The following DGKB variants were observed in gnomAD, a reference collection of about 807,000 sequenced individuals.
DGKB encodes the protein 90 kDa diacylglycerol kinase.
A neutral mutation model predicts 114.3 loss-of-function variants in DGKB; 67 were observed. The ratio of observed to expected loss-of-function variants is 0.59; its 90% CI spans 0.48 to 0.72. DGKB has a LOEUF of 0.72. Ranked by LOEUF, DGKB falls within the 30% of genes least tolerant of loss-of-function variation. DGKB has a pLI of 0.00. For missense variants in DGKB, 907 were observed against 975.2 expected (o/e 0.93, Z 0.93); for synonymous variants, 398 against 323.1 (o/e 1.23, Z -2.49).
chr7:14,403,982 A>C (rs1823546392), intron 21 of DGKB, among the ~76,000 whole-genome samples: 1 of 151,828 alleles, frequency 6.6e-6, no homozygotes, highest in Non-Finnish European at 1.5e-5. Flanking sequence ...CCAGAATAAA[A>C]CCTCTTAGCA....
chr7:14,913,049 A>G (rs1429160297), intron 1 of DGKB, among the ~76,000 whole-genome samples: 1 of 152,116 alleles, frequency 6.6e-6, no homozygotes, highest in African/African-American at 2.4e-5. Flanking sequence ...CAGTTTCATC[A>G]AGAAAGGTGG....
chr7:14,365,412 A>G (rs1816502793), intron 21 of DGKB, among the ~76,000 whole-genome samples: 3 of 152,068 alleles, frequency 2.0e-5, no homozygotes, highest in African/African-American at 7.2e-5. Flanking sequence ...GATATATGTA[A>G]AAGAATCAGA....
chr7:14,664,716 T>C (rs555896971), intron 13 of DGKB, among the ~76,000 whole-genome samples: 7 of 152,112 alleles, frequency 4.6e-5, no homozygotes, highest in African/African-American at 1.4e-4. Flanking sequence ...TCCCTTGGGA[T>C]GGATTAAGAT....
intron 1 of DGKB, among the ~76,000 whole-genome samples, chr7:14,918,417 T>C (rs907402528): frequency 2.0e-5 from 3 of 152,116 alleles, no homozygotes; most frequent in African/African-American, 4.8e-5. Flanking sequence ...GGTTGCAGGA[T>C]ACAAAGGTAA....
At chr7:14,259,560 G>A (rs1796460726) in intron 23 of DGKB, among the ~76,000 whole-genome samples, 1 of 152,118 alleles carries the variant, frequency 6.6e-6, no homozygotes, top group Non-Finnish European at 1.5e-5. Context: ...CCATGTAGCT[G>A]GGATTATAGG....
intron 21 of DGKB, among the ~76,000 whole-genome samples, chr7:14,386,101 T>C (rs1220044080): frequency 6.6e-6 from 1 of 152,232 alleles, no homozygotes; most frequent in African/African-American, 2.4e-5. Flanking sequence ...GAAACTTTAA[T>C]ATATTTTGAA....
intron 23 of DGKB, among the ~76,000 whole-genome samples, chr7:14,286,070 G>A (rs796314151): frequency 6.6e-6 from 1 of 152,098 alleles, no homozygotes; most frequent in Non-Finnish European, 1.5e-5. Flanking sequence ...GACTCACAAA[G>A]TTTGCAATGT....
intron 20 of DGKB, among the ~76,000 whole-genome samples, chr7:14,534,185 G>A (rs924989103): frequency 2.6e-5 from 4 of 151,944 alleles, no homozygotes; most frequent in Non-Finnish European, 5.9e-5. Flanking sequence ...GAGAATAAAA[G>A]TATAGAGGGC....
At chr7:14,821,546 A>G (rs946550012) in intron 2 of DGKB, among the ~76,000 whole-genome samples, 1 of 152,194 alleles carries the variant, frequency 6.6e-6, no homozygotes, top group African/African-American at 2.4e-5. Flanking sequence ...AAATAAAAAT[A>G]TATTCAGAAA....
At chr7:14,707,337 C>A (rs1039080248) in intron 6 of DGKB, among the ~76,000 whole-genome samples, 1 of 150,130 alleles carries the variant, frequency 6.7e-6, no homozygotes, top group Non-Finnish European at 1.5e-5. Context: ...AGTTTACCAA[C>A]CAAAAAGAGT....
chr7:14,630,139 G>A (rs989797824), intron 14 of DGKB, 97 bp downstream of exon 14: 13 of 678,192 alleles, frequency 1.9e-5, no homozygotes, highest in Middle Eastern at 2.5e-4. Flanking sequence ...GCTGGTATTC[G>A]AATGTCACTG....
chr7:14,889,281 T>C (rs771889934), intron 1 of DGKB, among the ~76,000 whole-genome samples: 1 of 151,686 alleles, frequency 6.6e-6, no homozygotes. Flanking sequence ...CAGCATTCCA[T>C]GTAGAGGGAG....
At chr7:14,794,237 T>C (rs1841092039) in intron 2 of DGKB, among the ~76,000 whole-genome samples, 2 of 152,160 alleles carry the variant, frequency 1.3e-5, no homozygotes, top group South Asian at 2.1e-4. Flanking sequence ...GTTTTCAAAA[T>C]TGGTTCTGGA....
chr7:14,919,669 T>C (rs1784422221), intron 1 of DGKB, among the ~76,000 whole-genome samples: 1 of 152,174 alleles, frequency 6.6e-6, no homozygotes. Context: ...TATTATTTGG[T>C]GATAAAGGGA....
chr7:14,508,498 G>T (rs552102205), intron 20 of DGKB, among the ~76,000 whole-genome samples: 132 of 152,260 alleles, frequency 8.7e-4, no homozygotes, highest in Non-Finnish European at 1.5e-3. Flanking sequence ...GTTGATTTTA[G>T]AAGGAAAACA....
At chr7:14,332,567 G>A (rs1327945191) in intron 23 of DGKB, among the ~76,000 whole-genome samples, 1 of 152,124 alleles carries the variant, frequency 6.6e-6, no homozygotes, top group Non-Finnish European at 1.5e-5. Flanking sequence ...TAGGTAGGAT[G>A]TTTTACTCTA....
At chr7:14,197,015 C>T (rs1397220832) in intron 23 of DGKB, among the ~76,000 whole-genome samples, 3 of 152,024 alleles carry the variant, frequency 2.0e-5, no homozygotes, top group Non-Finnish European at 4.4e-5. Context: ...GTATCATCAC[C>T]TCTAGCAACA....
intron 21 of DGKB, among the ~76,000 whole-genome samples, chr7:14,395,016 C>T (rs1452028326): frequency 6.6e-6 from 1 of 152,028 alleles, no homozygotes; most frequent in Non-Finnish European, 1.5e-5. Context: ...CAGGAACTAA[C>T]AACAAGGAAA....
At chr7:14,407,884 CA>C (rs946230255) in intron 21 of DGKB, among the ~76,000 whole-genome samples, 1 of 151,360 alleles carries the variant, frequency 6.6e-6, no homozygotes, top group Non-Finnish European at 1.5e-5. Flanking sequence ...GACTAATGTT[CA>C]AAAAAAACCA....
Sources: allele counts gnomAD v4.1 joint callset (sites outside exome capture counted in the v4.1 genomes callset), GRCh38; gene constraint gnomAD v4.1.1; transcripts MANE v1.5; gene names NCBI Gene and HGNC (gene_info 2026-07-23, HGNC 2026-07-21).